SLC17A5: variants seen among roughly 807,000 people sequenced by gnomAD.
The protein encoded by SLC17A5 is solute carrier family 17 member 5.
SLC17A5 carries 47 observed loss-of-function variants against 59.4 expected under a neutral mutation model. The observed-to-expected ratio is 0.79, with a 90% CI of 0.63 to 1.01. SLC17A5 has a LOEUF of 1.01. Among genes scored for constraint, SLC17A5 ranks in the 50% least tolerant of loss-of-function variants. The pLI, the probability that SLC17A5 is intolerant of heterozygous loss-of-function variation, is 0.00. For synonymous variants in SLC17A5, 202 were observed against 210.7 expected (o/e 0.96, Z 0.36); for missense variants, 522 against 595.5 (o/e 0.88, Z 1.28).
chr6:73,627,631 AT>A (rs10586058), intron 6 of SLC17A5, among the ~76,000 whole-genome samples: 605 of 143,284 alleles, frequency 4.2e-3, no homozygotes, highest in Middle Eastern at 0.014. Context: ...TTATGAAAGC[AT>A]TTTTTTTTTT....
chr6:73,615,688 C>T (rs748329211), intron 7 of SLC17A5, among the ~76,000 whole-genome samples: 3 of 152,088 alleles, frequency 2.0e-5, no homozygotes, highest in South Asian at 2.1e-4. Context: ...GTCCTGTCTG[C>T]TTCGGGTAAT....
intron 10 of SLC17A5, among the ~76,000 whole-genome samples, chr6:73,596,543 A>C (rs1437597369): frequency 6.6e-6 from 1 of 152,160 alleles, no homozygotes; most frequent in Non-Finnish European, 1.5e-5. Flanking sequence ...CAGAGTGGTG[A>C]CTACATTTGC....
Position 73,621,790 on chromosome 6 carries a change from T to C in SLC17A5, c.978+14A>G. The C allele has an allele frequency of 6.3e-7, 1 of 1,582,004 alleles. No homozygotes were observed. Among genetic ancestry groups the C allele is most frequent in the African/African-American group, 1.3e-5 (1 of 74,246 alleles). ...TACTATATATATAAGAAGCAGATGATTATTTTTTCTTACCTCTTGAACATT... is the reference window on the plus strand; with the variant it reads ...TACTATATATATAAGAAGCAGATGACTATTTTTTCTTACCTCTTGAACATT... On this transcript the variant is annotated intron_variant, in intron 7 of 10. Transcript: ENST00000355773.
At chr6:73,631,013 T>A (rs1768680001) in intron 6 of SLC17A5, among the ~76,000 whole-genome samples, 4 of 149,236 alleles carry the variant, frequency 2.7e-5, no homozygotes. Flanking sequence ...GCCATTGTAC[T>A]TCAGCCTGGG....
intron 6 of SLC17A5, among the ~76,000 whole-genome samples, chr6:73,623,344 AT>A (rs886324741): frequency 1.2e-4 from 16 of 129,762 alleles, no homozygotes; most frequent in South Asian, 2.5e-4. Flanking sequence ...TGGCCTATGT[AT>A]TTTTTTTTGA....
chr6:73,631,882 T>A (rs1245777878), intron 6 of SLC17A5, among the ~76,000 whole-genome samples: 1 of 142,942 alleles, frequency 7.0e-6, no homozygotes, highest in Non-Finnish European at 1.5e-5. Flanking sequence ...CATAGTAAAG[T>A]TTCAAAAAAA....
chr6:73,635,521 GT>G, intron 5 of SLC17A5, 21 bp from the exon 6 acceptor site: 2 of 1,212,728 alleles, frequency 1.6e-6, no homozygotes, highest in Non-Finnish European at 1.2e-6. Context: ...AAAAATAATA[GT>G]TAGATAAAAT....
At chr6:73,643,286 G>A (rs1273423283) in intron 2 of SLC17A5, among the ~76,000 whole-genome samples, 3 of 149,378 alleles carry the variant, frequency 2.0e-5, no homozygotes, top group Non-Finnish European at 3.0e-5. Flanking sequence ...TCAGCCTCCC[G>A]AGTAGCTGGG....
rs749667789 is a variant in SLC17A5 at position 73,610,359 on chromosome 6, A to T, written c.1259+41T>A. On this transcript the variant is annotated intron_variant, in intron 9 of 10. Transcript: ENST00000355773. ...TTTTATCAGGATTTTTAAAAATATA[A>T]TTTAAAGTCAATCACAGCAAATCTT... 5.0e-6 allele frequency: 8 copies of T among 1,608,188 alleles called. No homozygotes were observed. In the South Asian group the frequency reaches 8.8e-5, roughly 18 times the overall value.
chr6:73,644,640 T>A (rs765556790), intron 1 of SLC17A5, 37 bp from the exon 2 acceptor site: 7 of 1,559,268 alleles, frequency 4.5e-6, no homozygotes, highest in Middle Eastern at 1.7e-4. Context: ...TATTTATTTT[T>A]AAATTTTTAT....
intron 8 of SLC17A5, among the ~76,000 whole-genome samples, chr6:73,611,603 C>A (rs560082414): frequency 3.7e-4 from 56 of 151,536 alleles, no homozygotes; most frequent in South Asian, 1.0e-3. Flanking sequence ...TTCTGCCCCA[C>A]CTAATATGCA....
chr6:73,629,212 A>C (rs569628504), intron 6 of SLC17A5, among the ~76,000 whole-genome samples: 18 of 152,142 alleles, frequency 1.2e-4, no homozygotes, highest in African/African-American at 4.3e-4. Context: ...ACATGGCAAA[A>C]CCCTGTCTCT....
intron 6 of SLC17A5, among the ~76,000 whole-genome samples, chr6:73,624,534 T>C (rs1226841843): frequency 6.6e-6 from 1 of 152,236 alleles, no homozygotes; most frequent in African/African-American, 2.4e-5. Flanking sequence ...TATTTCTGTA[T>C]ATATTTTATG....
chr6:73,653,729 C>G lies in SLC17A5; in HGVS notation c.94+64G>C, dbSNP rs540961859. Reference sequence around the variant, plus strand: ...GGTGCGGGTACCCGGGCCATGCCGGCCCAGAGACCGCCGCCCCCGGTACCG... The same window carrying G: ...GGTGCGGGTACCCGGGCCATGCCGGGCCAGAGACCGCCGCCCCCGGTACCG... On this transcript the variant is annotated intron_variant, in intron 1 of 10. Transcript: ENST00000355773. The G allele has an allele frequency of 1.1e-3, 1,546 of 1,465,398 alleles. 30 individuals are homozygous for G. In the South Asian group the frequency reaches 0.017, roughly 16 times the overall value. The allele number at this position is 1,465,398 out of a possible 1,614,324, so 90.8% of individuals were successfully genotyped here.
intron 4 of SLC17A5, among the ~76,000 whole-genome samples, chr6:73,637,067 A>T (rs1400592604): frequency 6.6e-6 from 1 of 150,668 alleles, no homozygotes; most frequent in Non-Finnish European, 1.5e-5. Context: ...GCCTGGAGTG[A>T]GACCCTGGCT....
chr6:73,628,121 G>A (rs1326919875), intron 6 of SLC17A5, among the ~76,000 whole-genome samples: 1 of 152,036 alleles, frequency 6.6e-6, no homozygotes, highest in Non-Finnish European at 1.5e-5. Flanking sequence ...GTCTCCCTAT[G>A]TTGCCCAGGC....
At chr6:73,621,641 T>A (rs1157267983) in intron 7 of SLC17A5, among the ~76,000 whole-genome samples, 163 bp downstream of exon 7, 1 of 152,126 alleles carries the variant, frequency 6.6e-6, no homozygotes, top group Non-Finnish European at 1.5e-5. Flanking sequence ...GTGGGTTGTT[T>A]TTCATTTTCT....
chr6:73,600,271 C>G (rs1448910258), intron 10 of SLC17A5, 80 bp downstream of exon 10: 1 of 1,081,626 alleles, frequency 9.2e-7, no homozygotes, highest in Non-Finnish European at 1.4e-6. Context: ...GAATTTTAAA[C>G]TTAATTAAAA....
Position 73,621,940 on chromosome 6 carries a change from G to A in SLC17A5, c.842C>T (p.Pro281Leu), listed in dbSNP as rs138041282. ...CAGGGATTTTAAAATGGGTACCCACGGCACTGACTTCTGTGAAGAAAGCTG... is the reference window on the plus strand; with the variant it reads ...CAGGGATTTTAAAATGGGTACCCACAGCACTGACTTCTGTGAAGAAAGCTG... ...RNQLSSQKSV[P>L]WVPILKSLPL... Residue 281 changes from proline (P) to leucine (L), a missense_variant, in exon 7 of 11, where the codon CCG becomes CTG. By Grantham distance (98) the Pro-to-Leu change is moderately conservative. This residue lies in a region of SLC17A5 where 338 missense variants were observed against 363.8 expected (regional missense o/e 0.93). Transcript: ENST00000355773. 2.2e-5 allele frequency: 35 copies of A among 1,613,828 alleles called. No individual in the cohort carries two copies. Among genetic ancestry groups the A allele is most frequent in the Admixed American group, 3.3e-5 (2 of 59,980 alleles).
Sources: gnomAD v4.1 joint callset for allele counts (sites outside exome capture counted in the v4.1 genomes callset) on GRCh38, gnomAD v4.1.1 for gene constraint, gnomAD v4.1.1 regional missense constraint, MANE v1.5 for transcripts, NCBI Gene and HGNC (gene_info 2026-07-23, HGNC 2026-07-21) for gene names.